Variants in PLAU observed in about 807,000 individuals in gnomAD.
PLAU encodes plasminogen activator, urokinase.
A neutral mutation model predicts 48.9 loss-of-function variants in PLAU; 32 were observed. That is an observed-to-expected ratio of 0.65 (90% CI 0.49 to 0.88). The LOEUF (loss-of-function observed/expected upper bound fraction) is 0.88, where lower values mean the gene tolerates loss of function less well. Ranked by LOEUF, PLAU falls within the 40% of genes least tolerant of loss-of-function variation. The pLI is 0.00. For missense variants in PLAU, 455 were observed against 545.2 expected (o/e 0.83, Z 1.65); for synonymous variants, 199 against 205.7 (o/e 0.97, Z 0.28).
At chr10:73,915,216 C>T (rs1448001044) in intron 9 of PLAU, 35 bp from the exon 10 acceptor site, 2 of 1,594,878 alleles carry the variant, frequency 1.3e-6, no homozygotes, top group African/African-American at 1.3e-5. Flanking sequence ...ACAGATAAAT[C>T]TTGATGCAAA....
intron 1 of PLAU, 29 bp from the exon 2 acceptor site, chr10:73,911,496 T>C: frequency 6.3e-7 from 1 of 1,590,078 alleles, no homozygotes; most frequent in Non-Finnish European, 8.5e-7. Flanking sequence ...TTCCTCCGCC[T>C]CTTGCCCTGA....
Position 73,911,175 on chromosome 10 carries a change from C to T in PLAU, c.-75C>T. On this transcript the variant is annotated 5_prime_UTR_variant, in exon 1 of 11. Coordinates refer to ENST00000372764, the MANE Select transcript of PLAU (RefSeq NM_002658.6). ...CCCCGGAGCCCGGGCCAGGGTCCAC[C>T]TGTCCCCGCAGCGCCGGCTCGCGCC... 3.6e-6 allele frequency: 1 copy of T among 276,468 alleles called. No individual in the cohort carries two copies. Among genetic ancestry groups the T allele is most frequent in the Non-Finnish European group, 6.7e-6 (1 of 148,434 alleles). 17.1% of individuals were successfully genotyped at this position (276,468 alleles called of 1,614,324 possible).
chr10:73,913,299 C>T lies in PLAU; in HGVS notation c.378C>T (p.Asp126=). Residue 126 remains aspartate, a synonymous_variant, in exon 6 of 11, where the codon GAC becomes GAT. Coordinates refer to ENST00000372764, the MANE Select transcript of PLAU (RefSeq NM_002658.6). ...CTTTCTGTGTTGCCAGGAACCCAGA[C>T]AACCGGAGGCGACCCTGGTGCTATG... ...LGKHNYCRNP[D]NRRRPWCYVQ... is the part of the protein sequence containing the mutation. The T allele has an allele frequency of 6.2e-7, 1 of 1,614,164 alleles. No individual in the cohort carries two copies. Among genetic ancestry groups the T allele is most frequent in the Non-Finnish European group, 8.5e-7 (1 of 1,180,002 alleles).
chr10:73,911,695 G>C (rs753484289), intron 2 of PLAU, 83 bp downstream of exon 2: 170 of 1,579,816 alleles, frequency 1.1e-4, no homozygotes, highest in Admixed American at 1.5e-4. Flanking sequence ...TCAGGGAGCT[G>C]GGGTCCTCCG....
chr10:73,912,170 A>G lies in PLAU; in HGVS notation c.86-45A>G, dbSNP rs750452037. 85 of 1,613,660 alleles carry G rather than the reference A, an allele frequency of 5.3e-5. 1 individual carries two copies. The highest frequency in any genetic ancestry group is 1.4e-5 in the Non-Finnish European group (17 of 1,179,864). ...CTGCTGCAGGGCTGCGCCACCCCTT[A>G]CCACTTCCACTCCCCCTCGCTTACC... is the stretch of plus-strand genomic sequence containing the variant. On this transcript the variant is annotated intron_variant, in intron 3 of 10. Transcript: ENST00000372764.
upstream of PLAU, chr10:73,909,408 G>T (rs1188866423): frequency 1.3e-5 from 2 of 152,248 alleles, no homozygotes; most frequent in African/African-American, 4.8e-5. Context: ...AAGTAGCAAG[G>T]TTGGCTCTGA....
chr10:73,911,043 G>A (rs2096122629), upstream of PLAU: 1 of 155,764 alleles, frequency 6.4e-6, no homozygotes, highest in Non-Finnish European at 1.4e-5. Flanking sequence ...GTCGCTGAGC[G>A]CTGCAAGACA....
At chr10:73,914,648 A>T in intron 8 of PLAU, 128 bp from the exon 9 acceptor site, 1 of 853,646 alleles carries the variant, frequency 1.2e-6, no homozygotes, top group Non-Finnish European at 1.8e-6. Context: ...GTGATAAGCG[A>T]CCAGCAGACC....
In PLAU at chr10:73,914,016, G is replaced by T. The variant is rs748966578; in HGVS notation, c.717G>T (p.Leu239=). ...AGAAGGAGGACTACATCGTCTACCT[G>T]GGTCGCTCAAGGCTTAACTCCAACA... ...YPKKEDYIVY[L]GRSRLNSNTQ... The change falls in exon 8 of 11, where the codon CTG becomes CTT. Residue 239 remains leucine (L), a synonymous_variant. Transcript: ENST00000372764. 3 of 1,613,790 alleles carry T rather than the reference G, an allele frequency of 1.9e-6. No individual in the cohort carries two copies. Among genetic ancestry groups the T allele is most frequent in the Non-Finnish European group, 2.5e-6 (3 of 1,179,750 alleles).
At position 73,913,274 on chromosome 10, in the gene PLAU, CT is replaced by C; in HGVS notation, c.369-13del. 6.2e-7 allele frequency: 1 copy of C among 1,613,584 alleles called. No individual in the cohort carries two copies. Among genetic ancestry groups the C allele is most frequent in the Non-Finnish European group, 8.5e-7 (1 of 1,179,500 alleles). ...TCTGGGTTGGAATGACATCCCCTATCTTTCTGTGTTGCCAGGAACCCAGACA... is the reference window on the plus strand; with the variant it reads ...TCTGGGTTGGAATGACATCCCCTATCTTCTGTGTTGCCAGGAACCCAGACA... On this transcript the variant is annotated splice_polypyrimidine_tract_variant and intron_variant, in intron 5 of 10. Coordinates refer to ENST00000372764, the MANE Select transcript of PLAU (RefSeq NM_002658.6).
Position 73,915,365 on chromosome 10 carries a change from C to G in PLAU, c.1085C>G (p.Ala362Gly). The G allele has an allele frequency of 6.2e-7, 1 of 1,612,318 alleles. No individual in the cohort carries two copies. The highest frequency in any genetic ancestry group is 8.5e-7 in the Non-Finnish European group (1 of 1,179,340). ...GSEVTTKMLC[A>G]ADPQWKTDSC... ...GAAGTCACCACCAAAATGCTGTGTG[C>G]TGCTGACCCACAGTGGAAAACAGAT... is the stretch of plus-strand genomic sequence containing the variant. The change falls in exon 10 of 11, where the codon GCT (alanine) becomes GGT (glycine). Residue 362 changes from alanine to glycine, a missense_variant. Physicochemically the swap from Ala to Gly is moderately conservative, Grantham distance 60. Coordinates refer to ENST00000372764, the MANE Select transcript of PLAU (RefSeq NM_002658.6).
At chr10:73,913,185 A>T in intron 5 of PLAU, 87 bp downstream of exon 5, 1 of 1,576,048 alleles carries the variant, frequency 6.3e-7, no homozygotes, top group Non-Finnish European at 8.7e-7. Context: ...AGGGCTGGCC[A>T]TAGCACAAGA....
chr10:73,909,084 G>A (rs2131709631), upstream of PLAU: 1 of 152,370 alleles, frequency 6.6e-6, no homozygotes, highest in African/African-American at 2.4e-5. Flanking sequence ...AGGTGGCACG[G>A]GGGAGGAGGG....
At chr10:73,909,569 C>T (rs2096120575), upstream of PLAU, among the ~76,000 whole-genome samples, 1 of 152,160 alleles carries the variant, frequency 6.6e-6, no homozygotes, top group African/African-American at 2.4e-5. Flanking sequence ...CACCCTGAGC[C>T]CTCGGCTGGG....
intron 7 of PLAU, 25 bp from the exon 8 acceptor site, chr10:73,913,955 G>C: frequency 6.2e-7 from 1 of 1,609,824 alleles, no homozygotes; most frequent in Non-Finnish European, 8.5e-7. Flanking sequence ...GGACTAAGCT[G>C]TTTGATGGGT....
Position 73,916,397 on chromosome 10 carries a change from AG to A in PLAU, c.1133del (p.Gly378AspfsTer11). 7 of 1,612,794 alleles carry A rather than the reference AG, an allele frequency of 4.3e-6. No homozygotes were observed. The highest frequency in any genetic ancestry group is 5.9e-6 in the Non-Finnish European group (7 of 1,179,386). ...TATCTTTGGCGTCACAGGGAGACTCAGGGGGACCCCTCGTCTGTTCCCTCCA... is the reference window on the plus strand; with the variant it reads ...TATCTTTGGCGTCACAGGGAGACTCAGGGGACCCCTCGTCTGTTCCCTCCA... ...WKTDSCQGDS[G>X]GPLVCSLQGR... On this transcript the variant is annotated frameshift_variant, in exon 11 of 11. Transcript: ENST00000372764. LOFTEE classifies it low-confidence loss of function (END_TRUNC).
intron 9 of PLAU, among the ~76,000 whole-genome samples, 158 bp downstream of exon 9, chr10:73,915,074 C>T (rs2096133636): frequency 6.6e-6 from 1 of 151,926 alleles, no homozygotes; most frequent in African/African-American, 2.4e-5. Context: ...GTTTAGGGAG[C>T]GATGGGCTGC....
intron 8 of PLAU, among the ~76,000 whole-genome samples, chr10:73,914,448 G>A (rs768643891): frequency 3.3e-5 from 5 of 152,248 alleles, no homozygotes; most frequent in Non-Finnish European, 7.3e-5. Context: ...TTTGTGGGAT[G>A]CAGCCTCTGT....
At chr10:73,911,421 TG>T in intron 1 of PLAU, 103 bp from the exon 2 acceptor site, 2 of 1,175,318 alleles carry the variant, frequency 1.7e-6, no homozygotes, top group Non-Finnish European at 2.4e-6. Flanking sequence ...GAGAGACAGC[TG>T]GGGAGCCTGG....
Sources: gnomAD v4.1 joint callset for allele counts (sites outside exome capture counted in the v4.1 genomes callset) on GRCh38, gnomAD v4.1.1 for gene constraint, MANE v1.5 for transcripts, NCBI Gene and HGNC (gene_info 2026-07-23, HGNC 2026-07-21) for gene names.